Variants in OR51B5 observed in about 807,000 individuals in gnomAD.
OR51B5 encodes olfactory receptor 51B5.
For missense variants in OR51B5, 456 were observed against 374.6 expected (o/e 1.22, Z -1.79); for synonymous variants, 186 against 144.8 (o/e 1.28, Z -2.04).
At chr11:5,422,448 T>A (rs1209743648) in intron 1 of OR51B5, 2 of 1,614,200 alleles carry the variant, frequency 1.2e-6, no homozygotes, top group Non-Finnish European at 1.7e-6. Context: ...CTACCCACAG[T>A]CATGCAGCTT....
chr11:5,363,285 A>C lies in OR51B5; in HGVS notation n.85-16375T>G, dbSNP rs1208504416. Among the ~76,000 whole-genome samples the C allele has an allele frequency of 2.5e-5, 3 of 120,278 alleles. No homozygotes were observed. In the East Asian group the frequency reaches 6.5e-4, roughly 26 times the overall value. The allele number at this position is 120,278 out of a possible 152,430, so 78.9% of individuals were successfully genotyped here. ...CACACACACACACACACACACACACACCGGTGAGTGGACAGACATCGTTTT... is the reference window on the plus strand; with the variant it reads ...CACACACACACACACACACACACACCCCGGTGAGTGGACAGACATCGTTTT... On this transcript the variant is annotated intron_variant and non_coding_transcript_variant, in intron 1 of 4. Transcript: ENST00000415970.
At chr11:5,385,983 T>G (rs1439417857) in intron 1 of OR51B5, among the ~76,000 whole-genome samples, 2 of 150,492 alleles carry the variant, frequency 1.3e-5, no homozygotes, top group Non-Finnish European at 3.0e-5. Flanking sequence ...TATAAAAATA[T>G]AAAGAATGTG....
At chr11:5,494,406 C>T (rs1168000061) in intron 1 of OR51B5, among the ~76,000 whole-genome samples, 7 of 152,144 alleles carry the variant, frequency 4.6e-5, no homozygotes, top group African/African-American at 1.7e-4. Context: ...CACTTACATA[C>T]TTGTCTCTCT....
At chr11:5,455,579 A>AAAGAGAAAGAGAGAGGAGAGAGAGAG (rs1554893777) in intron 1 of OR51B5, 5 of 97,640 alleles carry the variant, frequency 5.1e-5, no homozygotes, top group African/African-American at 9.1e-5. Flanking sequence ...GAGAGAGAGA[A>AAAGAGAAAGAGAGAGGAGAGAGAGAG]AGAGAAAGAG....
At chr11:5,465,508 T>C (rs1195115620) in intron 1 of OR51B5, among the ~76,000 whole-genome samples, 1 of 151,762 alleles carries the variant, frequency 6.6e-6, no homozygotes, top group African/African-American at 2.4e-5. Context: ...AAGGCAATCC[T>C]AAGCCAAAAG....
At chr11:5,505,324 A>G (rs1336436153) in intron 1 of OR51B5, 1 of 1,303,328 alleles carries the variant, frequency 7.7e-7, no homozygotes, top group Non-Finnish European at 1.0e-6. Flanking sequence ...TATCTTCCCC[A>G]GTCAGAGGCA....
intron 1 of OR51B5, among the ~76,000 whole-genome samples, chr11:5,446,990 A>G (rs1850775379): frequency 1.3e-5 from 2 of 152,150 alleles, no homozygotes; most frequent in Admixed American, 1.3e-4. Flanking sequence ...ATTTTGTACA[A>G]CAGAATCTCT....
In OR51B5 at chr11:5,499,230, T is replaced by C. The variant is rs565456580; in HGVS notation, n.84+6339A>G. Reference sequence around the variant, plus strand: ...CTGTTTTAATGTGGAGATATGATAGTACAGCCATTCAAAATAGCATTTAAA... The same window carrying C: ...CTGTTTTAATGTGGAGATATGATAGCACAGCCATTCAAAATAGCATTTAAA... On this transcript the variant is annotated intron_variant and non_coding_transcript_variant, in intron 1 of 4. Transcript: ENST00000415970. Among the ~76,000 whole-genome samples, 202 of 152,342 alleles carry C rather than the reference T, an allele frequency of 1.3e-3. 7 individuals carry two copies. In the South Asian group the frequency reaches 0.041, roughly 31 times the overall value.
upstream of OR51B5, chr11:5,346,296 C>T (rs1473107176): frequency 6.6e-6 from 1 of 152,098 alleles, no homozygotes. Flanking sequence ...TCTATGGAAT[C>T]ACTCTACTTT....
In OR51B5 at chr11:5,427,467, A is replaced by C. The variant is rs547848964; in HGVS notation, n.84+78102T>G. On this transcript the variant is annotated intron_variant and non_coding_transcript_variant, in intron 1 of 4. Coordinates refer to the OR51B5 transcript ENST00000415970. The stretch of plus-strand genomic sequence containing the variant: ...TGAATGAACCATGAATTAGAGTTGA[A>C]GACATCAGTGTGATGTCAGTTTAGC... Among the ~76,000 whole-genome samples, 6 of 152,384 alleles carry C rather than the reference A, an allele frequency of 3.9e-5. No homozygotes were observed. The East Asian group carries it at 9.6e-4, about 24-fold the overall frequency.
intron 1 of OR51B5, among the ~76,000 whole-genome samples, chr11:5,460,419 G>T (rs369653145): frequency 6.6e-6 from 1 of 152,132 alleles, no homozygotes; most frequent in South Asian, 2.1e-4. Context: ...TTCTTCTACT[G>T]AATTTTTTAT....
chr11:5,405,786 G>T (rs1850049569), intron 1 of OR51B5, among the ~76,000 whole-genome samples: 1 of 152,138 alleles, frequency 6.6e-6, no homozygotes, highest in Non-Finnish European at 1.5e-5. Flanking sequence ...TCTGCCTCCA[G>T]GTTTCCATGT....
At chr11:5,380,990 T>A (rs1849599797) in intron 1 of OR51B5, among the ~76,000 whole-genome samples, 1 of 152,050 alleles carries the variant, frequency 6.6e-6, no homozygotes, top group African/African-American at 2.4e-5. Flanking sequence ...GGGATTCAGT[T>A]CTCCTGAAGG....
chr11:5,468,571 G>A (rs145359974), intron 1 of OR51B5: 1 of 430,478 alleles, frequency 2.3e-6, no homozygotes, highest in African/African-American at 2.0e-5. Flanking sequence ...GTAGAGCATT[G>A]GAGGTACAAA....
chr11:5,426,108 G>A (rs2133764698), intron 1 of OR51B5, among the ~76,000 whole-genome samples: 1 of 152,276 alleles, frequency 6.6e-6, no homozygotes, highest in Non-Finnish European at 1.5e-5. Flanking sequence ...AAAGAAGCCT[G>A]TCTTAAAAGG....
chr11:5,350,745 A>G (rs570056322), intron 1 of OR51B5, among the ~76,000 whole-genome samples: 1 of 152,284 alleles, frequency 6.6e-6, no homozygotes, highest in East Asian at 1.9e-4. Flanking sequence ...TCTTCAATTT[A>G]TATTATGAAA....
At chr11:5,342,534 G>C, downstream of OR51B5, 2 of 1,521,088 alleles carry the variant, frequency 1.3e-6, no homozygotes, top group Non-Finnish European at 1.8e-6. Flanking sequence ...TTGCTCTCCT[G>C]CTAAATATTA....
intron 1 of OR51B5, among the ~76,000 whole-genome samples, chr11:5,405,974 G>A (rs1402291272): frequency 6.6e-6 from 1 of 152,150 alleles, no homozygotes; most frequent in Admixed American, 6.5e-5. Context: ...AGATAAATAA[G>A]ACAGTGATTA....
chr11:5,448,093 T>G (rs1356913125), intron 1 of OR51B5, among the ~76,000 whole-genome samples: 1 of 152,224 alleles, frequency 6.6e-6, no homozygotes, highest in Non-Finnish European at 1.5e-5. Context: ...TTAGAAGCTA[T>G]GTCCTCAAGT....
Sources: gnomAD v4.1 joint callset for allele counts (sites outside exome capture counted in the v4.1 genomes callset) on GRCh38, gnomAD v4.1.1 for gene constraint, MANE v1.5 for transcripts, NCBI Gene and HGNC (gene_info 2026-07-23, HGNC 2026-07-21) for gene names.